INPP4A: variants seen among roughly 807,000 people sequenced by gnomAD.
The protein encoded by INPP4A is inositol polyphosphate-4-phosphatase type I A, also known as inositol polyphosphate-4-phosphatase, type I, 107kD.
INPP4A carries 33 observed loss-of-function variants against 119.8 expected under a neutral mutation model. That is an observed-to-expected ratio of 0.28 (90% CI 0.21 to 0.37). The LOEUF (loss-of-function observed/expected upper bound fraction) is 0.37. Ranked by LOEUF, INPP4A falls within the 10% of genes least tolerant of loss-of-function variation. INPP4A has a pLI of 1.00. For missense variants in INPP4A, 956 were observed against 1,289.9 expected, an observed-to-expected ratio of 0.74 and a Z score of 3.97; for synonymous variants, 496 against 500.7, an observed-to-expected ratio of 0.99 and a Z score of 0.12.
intron 22 of INPP4A, among the ~76,000 whole-genome samples, chr2:98,572,222 A>G (rs1472132457): frequency 6.6e-6 from 1 of 152,198 alleles, no homozygotes; most frequent in African/African-American, 2.4e-5. Flanking sequence ...TTTCTTGGTA[A>G]GGTGACCTGA....
intron 1 of INPP4A, among the ~76,000 whole-genome samples, chr2:98,493,798 T>A (rs566465118): frequency 7.4e-4 from 112 of 152,322 alleles, no homozygotes; most frequent in African/African-American, 2.7e-3. Context: ...ACATGGGATA[T>A]TAAGCAGGAA....
chr2:98,460,100 CGTGTGTGTGT>C (rs3066275), intron 1 of INPP4A, among the ~76,000 whole-genome samples: 7 of 147,012 alleles, frequency 4.8e-5, no homozygotes, highest in Admixed American at 2.0e-4. Flanking sequence ...GTTTGGTCAT[CGTGTGTGTGT>C]GTGTGTGTGT....
At chr2:98,454,852 T>G (rs538587688) in intron 1 of INPP4A, among the ~76,000 whole-genome samples, 1 of 152,130 alleles carries the variant, frequency 6.6e-6, no homozygotes, top group Non-Finnish European at 1.5e-5. Flanking sequence ...TGACACTGTT[T>G]TTTTAAAGAA....
chr2:98,525,873 A>G (rs561609149), intron 4 of INPP4A, among the ~76,000 whole-genome samples: 1 of 152,320 alleles, frequency 6.6e-6, no homozygotes, highest in South Asian at 2.1e-4. Context: ...ACTTTTGTAT[A>G]TTGCTGGTGG....
intron 4 of INPP4A, among the ~76,000 whole-genome samples, chr2:98,530,669 A>G (rs1574939882): frequency 6.6e-6 from 1 of 152,308 alleles, no homozygotes; most frequent in East Asian, 1.9e-4. Flanking sequence ...TCTACAAGCA[A>G]TTCTTAAAAT....
At chr2:98,555,836 G>A (rs1239081127) in intron 16 of INPP4A, 28 bp downstream of exon 16, 3 of 1,532,532 alleles carry the variant, frequency 2.0e-6, no homozygotes, top group Non-Finnish European at 2.6e-6. Flanking sequence ...CTTCCCATAT[G>A]CTGCCTCCAT....
intron 24 of INPP4A, among the ~76,000 whole-genome samples, chr2:98,578,893 C>T (rs932186325): frequency 1.3e-5 from 2 of 152,214 alleles, no homozygotes; most frequent in African/African-American, 4.8e-5. Context: ...AAGAGACATG[C>T]GTACATGCCT....
intron 22 of INPP4A, among the ~76,000 whole-genome samples, chr2:98,571,027 C>T (rs893116069): frequency 1.3e-5 from 2 of 152,186 alleles, no homozygotes; most frequent in African/African-American, 4.8e-5. Context: ...GGGTGGTAAA[C>T]ATAGCATGAA....
At chr2:98,480,776 G>A (rs916252462) in intron 1 of INPP4A, among the ~76,000 whole-genome samples, 1 of 152,210 alleles carries the variant, frequency 6.6e-6, no homozygotes, top group Non-Finnish European at 1.5e-5. Flanking sequence ...CCTCAGACCG[G>A]AGAGCACTGA....
chr2:98,537,788 G>A (rs1053923179), intron 7 of INPP4A, 75 bp from the exon 8 acceptor site: 8 of 1,155,710 alleles, frequency 6.9e-6, no homozygotes, highest in African/African-American at 1.5e-5. Context: ...GACCCAGTAC[G>A]GCTAGGGCTT....
chr2:98,542,962 T>C lies in INPP4A; in HGVS notation c.819-915T>C, dbSNP rs778051403. Among the ~76,000 whole-genome samples the C allele has an allele frequency of 4.5e-3, 678 of 151,798 alleles. 1 individual carries two copies. The highest frequency in any genetic ancestry group is 7.5e-3 in the Non-Finnish European group (511 of 67,900). The stretch of plus-strand genomic sequence containing the variant: ...TTTTTGAGATGGAGTCTCTATTGCC[T>C]AGGCTGGAGTGCAGTGGTGCGATCC... On this transcript the variant is annotated intron_variant, in intron 10 of 24. Transcript: ENST00000409851.
chr2:98,448,104 C>A (rs1045326921), intron 1 of INPP4A, among the ~76,000 whole-genome samples: 1 of 150,380 alleles, frequency 6.6e-6, no homozygotes, highest in Admixed American at 6.6e-5. Flanking sequence ...GCCTATAATC[C>A]CAGCAATTTG....
chr2:98,575,909 A>G (rs1429990437), intron 23 of INPP4A, among the ~76,000 whole-genome samples: 1 of 152,208 alleles, frequency 6.6e-6, no homozygotes, highest in Non-Finnish European at 1.5e-5. Context: ...ATGCTTTGGA[A>G]TGCACAGGTT....
At chr2:98,580,991 C>T (rs1004927884) in intron 24 of INPP4A, among the ~76,000 whole-genome samples, 5 of 152,240 alleles carry the variant, frequency 3.3e-5, no homozygotes, top group Non-Finnish European at 4.4e-5. Context: ...CCTGCCACTG[C>T]TGAGCCTGGA....
chr2:98,564,261 G>T (rs966758855), intron 18 of INPP4A, among the ~76,000 whole-genome samples: 1 of 152,176 alleles, frequency 6.6e-6, no homozygotes, highest in African/African-American at 2.4e-5. Context: ...TCTCACTTCT[G>T]TTTTTTGCTG....
intron 1 of INPP4A, among the ~76,000 whole-genome samples, chr2:98,481,219 T>A (rs994992275): frequency 2.0e-5 from 3 of 152,154 alleles, no homozygotes; most frequent in African/African-American, 7.2e-5. Flanking sequence ...TGCTGCCCAT[T>A]GTAATCCCTC....
Position 98,587,740 on chromosome 2 carries a change from T to A in INPP4A, c.*132T>A. 1 of 757,710 alleles carries A rather than the reference T, an allele frequency of 1.3e-6. No homozygotes were observed. Among genetic ancestry groups the A allele is most frequent in the Non-Finnish European group, 2.1e-6 (1 of 487,112 alleles). The allele number at this position is 757,710 out of a possible 1,614,324, so 46.9% of individuals were successfully genotyped here. Reference sequence around the variant, plus strand: ...GGTTTTTTTAAAAAAAACATTTCACTAAAGAGTCTCTGGAGCATGTTTTTT... The same window carrying A: ...GGTTTTTTTAAAAAAAACATTTCACAAAAGAGTCTCTGGAGCATGTTTTTT... On this transcript the variant is annotated 3_prime_UTR_variant, in exon 25 of 25. Coordinates refer to ENST00000409851, the MANE Select transcript of INPP4A (RefSeq NM_001134225.2).
Position 98,556,435 on chromosome 2 carries a change from A to G in INPP4A, c.1822+627A>G, listed in dbSNP as rs374993710. Among the ~76,000 whole-genome samples the G allele has an allele frequency of 8.9e-4, 135 of 152,340 alleles. 2 individuals carry two copies. In the South Asian group the frequency reaches 0.014, roughly 16 times the overall value. On this transcript the variant is annotated intron_variant, in intron 16 of 24. Transcript: ENST00000409851. The stretch of plus-strand genomic sequence containing the variant: ...CTGGCATGAAGCAGCATGCTTCAGA[A>G]CAGTCTCCTGTCTGCAGAGACACAG...
At chr2:98,492,590 C>A (rs1202829815) in intron 1 of INPP4A, among the ~76,000 whole-genome samples, 2 of 152,164 alleles carry the variant, frequency 1.3e-5, no homozygotes, top group African/African-American at 4.8e-5. Context: ...GAGAGCGGGG[C>A]TCTAGAGACC....
Sources: allele counts gnomAD v4.1 joint callset (sites outside exome capture counted in the v4.1 genomes callset), GRCh38; gene constraint gnomAD v4.1.1; transcripts MANE v1.5; gene names NCBI Gene and HGNC (gene_info 2026-07-23, HGNC 2026-07-21).